The following TRPM1 variants were observed in gnomAD, a reference collection of about 807,000 sequenced individuals.
TRPM1 encodes TRPM1-203 APA Isoform, Intron 10.
In TRPM1, 113 loss-of-function variants were observed where a neutral mutation model predicts 149.4. That is an observed-to-expected ratio of 0.76 (90% confidence interval 0.65 to 0.88). The LOEUF is 0.88. TRPM1 is among the 40% of genes least tolerant of loss of function. The pLI is 0.00. For missense variants in TRPM1, 1,976 were observed against 2,038.7 expected, an observed-to-expected ratio of 0.97 and a Z score of 0.59; for synonymous variants, 741 against 759.5, an observed-to-expected ratio of 0.98 and a Z score of 0.40.
intron 25 of TRPM1, 49 bp from the exon 26 acceptor site, chr15:31,027,166 G>T: frequency 6.4e-7 from 1 of 1,564,984 alleles, no homozygotes; most frequent in South Asian, 1.1e-5. Flanking sequence ...TTTTTATAGT[G>T]ATTTCCCAGA....
chr15:31,089,042 A>C (rs78845684), intron 1 of TRPM1, among the ~76,000 whole-genome samples: 3 of 152,346 alleles, frequency 2.0e-5, no homozygotes, highest in Non-Finnish European at 1.5e-5. Context: ...GGGGTATCAG[A>C]AATCCAGTAA....
At chr15:31,077,423 C>T (rs142901478) in intron 2 of TRPM1, among the ~76,000 whole-genome samples, 1,527 of 143,728 alleles carry the variant, frequency 0.011, 14 homozygotes, top group Non-Finnish European at 0.018. Context: ...TTTCTGCTGG[C>T]TTTATCCCAC....
intron 1 of TRPM1, among the ~76,000 whole-genome samples, chr15:31,092,478 C>A (rs1291411432): frequency 6.6e-6 from 1 of 152,156 alleles, no homozygotes; most frequent in African/African-American, 2.4e-5. Flanking sequence ...GGACCTGGAC[C>A]CCCAGCCCTG....
intron 3 of TRPM1, among the ~76,000 whole-genome samples, chr15:31,076,525 C>T (rs373127555): frequency 1.1e-4 from 16 of 152,274 alleles, no homozygotes; most frequent in East Asian, 5.8e-4. Flanking sequence ...TTCATTCAAC[C>T]GCTCAGATCT....
chr15:31,081,333 T>G lies in TRPM1; in HGVS notation c.3+20A>C. The G allele has an allele frequency of 7.0e-7, 1 of 1,421,650 alleles. No individual in the cohort carries two copies. The highest frequency in any genetic ancestry group is 9.6e-7 in the Non-Finnish European group (1 of 1,043,812). The allele number at this position is 1,421,650 out of a possible 1,614,324, so 88.1% of individuals were successfully genotyped here. A position where few individuals can be genotyped will look rare whatever the true frequency, so the allele number is the denominator to read the frequency against. On this transcript the variant is annotated intron_variant, in intron 2 of 27. Coordinates refer to ENST00000256552, the MANE Select transcript of TRPM1 (RefSeq NM_001252024.2). ...GGGGGGGAGGGGGGGAAGGTGGAAGTGCTTTACTTAGGTATTAACCATGAG... is the reference window on the plus strand; with the variant it reads ...GGGGGGGAGGGGGGGAAGGTGGAAGGGCTTTACTTAGGTATTAACCATGAG...
intron 3 of TRPM1, among the ~76,000 whole-genome samples, chr15:31,072,910 A>T (rs953165334): frequency 1.1e-4 from 16 of 151,940 alleles, no homozygotes; most frequent in African/African-American, 3.6e-4. Flanking sequence ...CGTATTCTGG[A>T]TACAAGTCCC....
At chr15:31,105,988 A>C (rs1418573467), upstream of TRPM1, among the ~76,000 whole-genome samples, 1 of 152,252 alleles carries the variant, frequency 6.6e-6, no homozygotes, top group Non-Finnish European at 1.5e-5. Context: ...TTTAGGAATT[A>C]GTTTTTAAAT....
chr15:31,146,623 T>C (rs2036227832), intron 1 of TRPM1, among the ~76,000 whole-genome samples: 1 of 152,216 alleles, frequency 6.6e-6, no homozygotes, highest in Non-Finnish European at 1.5e-5. Context: ...TAACCTGATA[T>C]TAACCAATCC....
Position 31,046,248 on chromosome 15 carries a change from A to G in TRPM1, c.1765-15T>C. ...AGAGCTTTAGGCTGCATGGTGAAAG[A>G]GGAAGAAAAAAAATCAATTTACTTA... On this transcript the variant is annotated splice_polypyrimidine_tract_variant and intron_variant, in intron 15 of 27. Coordinates refer to ENST00000256552, the MANE Select transcript of TRPM1 (RefSeq NM_001252024.2). 6.2e-7 allele frequency: 1 copy of G among 1,613,462 alleles called. No homozygotes were observed. The highest frequency in any genetic ancestry group is 8.5e-7 in the Non-Finnish European group (1 of 1,179,576).
At chr15:31,007,231 C>A (rs1200685476) in intron 27 of TRPM1, among the ~76,000 whole-genome samples, 1 of 152,102 alleles carries the variant, frequency 6.6e-6, no homozygotes, top group Non-Finnish European at 1.5e-5. Context: ...TGTCCTAACA[C>A]CATTAGTTGA....
At chr15:31,033,263 G>A (rs937428099) in intron 21 of TRPM1, among the ~76,000 whole-genome samples, 5 of 152,168 alleles carry the variant, frequency 3.3e-5, no homozygotes, top group Non-Finnish European at 5.9e-5. Flanking sequence ...ACATTCCAGA[G>A]TCACACAGGA....
intron 1 of TRPM1, among the ~76,000 whole-genome samples, chr15:31,096,277 G>A (rs1401652107): frequency 6.6e-6 from 1 of 152,080 alleles, no homozygotes; most frequent in East Asian, 1.9e-4. Context: ...AAAACACAAG[G>A]ATCTGCTTTA....
intron 25 of TRPM1, among the ~76,000 whole-genome samples, chr15:31,027,481 G>T (rs985697740): frequency 6.6e-6 from 1 of 152,122 alleles, no homozygotes; most frequent in African/African-American, 2.4e-5. Context: ...ACAAGTAGAT[G>T]ACTACTTTTT....
chr15:31,065,262 A>G (rs1269550780), intron 7 of TRPM1: 2 of 400,570 alleles, frequency 5.0e-6, no homozygotes, highest in East Asian at 1.4e-4. Flanking sequence ...AACTTTTCCT[A>G]GTAGGCCATC....
At chr15:31,104,801 G>C (rs180892384), upstream of TRPM1, among the ~76,000 whole-genome samples, 2 of 151,734 alleles carry the variant, frequency 1.3e-5, no homozygotes, top group Non-Finnish European at 2.9e-5. Flanking sequence ...TCACCGTGTT[G>C]GCCAGGATGG....
intron 1 of TRPM1, among the ~76,000 whole-genome samples, chr15:31,089,138 A>C (rs980643060): frequency 6.6e-6 from 1 of 152,232 alleles, no homozygotes; most frequent in Non-Finnish European, 1.5e-5. Flanking sequence ...TGGAAACTGA[A>C]GACAGGCTGC....
rs115532577 is a variant in TRPM1, at chr15:31,134,449, A to G, written c.54+26457T>C. Among the ~76,000 whole-genome samples, 1,333 of 152,314 alleles carry G rather than the reference A, an allele frequency of 8.8e-3. 22 individuals are homozygous for G. Among genetic ancestry groups the G allele is most frequent in the African/African-American group, 0.031 (1,272 of 41,552 alleles). ...TTACCCTTTTGCAAGGGAAATTTAA[A>G]TCTATAAAGGAAATCTCCATTTGTA... is the stretch of plus-strand genomic sequence containing the variant. On this transcript the variant is annotated intron_variant, in intron 1 of 26. Coordinates refer to the TRPM1 transcript ENST00000542188.
intron 1 of TRPM1, among the ~76,000 whole-genome samples, chr15:31,156,530 G>T (rs1013053419): frequency 6.6e-6 from 1 of 152,110 alleles, no homozygotes; most frequent in Admixed American, 6.5e-5. Flanking sequence ...TTGATTCCAG[G>T]TTTTTGATAA....
intron 1 of TRPM1, among the ~76,000 whole-genome samples, chr15:31,085,453 C>T (rs111818015): frequency 9.2e-5 from 14 of 152,258 alleles, no homozygotes; most frequent in African/African-American, 3.4e-4. Context: ...GGAAGAAAGT[C>T]GTATCAGAAT....
Sources: allele counts gnomAD v4.1 joint callset (sites outside exome capture counted in the v4.1 genomes callset), GRCh38; gene constraint gnomAD v4.1.1; transcripts MANE v1.5; gene names NCBI Gene and HGNC (gene_info 2026-07-23, HGNC 2026-07-21).